ZNF536: variants seen among roughly 807,000 people sequenced by gnomAD.
ZNF536 encodes zinc finger protein 536.
In ZNF536, 13 loss-of-function variants were observed where a neutral mutation model predicts 84.5. The ratio of observed to expected loss-of-function variants is 0.15; its 90% CI spans 0.10 to 0.24. The LOEUF (loss-of-function observed/expected upper bound fraction) is 0.24. Among genes scored for constraint, ZNF536 ranks in the 10% least tolerant of loss-of-function variants. ZNF536 has a pLI of 1.00. For synonymous variants in ZNF536, 811 were observed against 742.5 expected (o/e 1.09, Z -1.50); for missense variants, 1,536 against 1,747.5 (o/e 0.88, Z 2.16).
intron 1 of ZNF536, among the ~76,000 whole-genome samples, chr19:30,261,036 C>T (rs1046029356): frequency 6.6e-6 from 1 of 152,016 alleles, no homozygotes; most frequent in African/African-American, 2.4e-5. Flanking sequence ...CGGTGGCTCA[C>T]GCCTGTAATC....
chr19:30,557,422 G>T lies in ZNF536; in HGVS notation c.*258G>T. 2.7e-6 allele frequency: 1 copy of T among 369,760 alleles called. No homozygotes were observed. Among genetic ancestry groups the T allele is most frequent in the Non-Finnish European group, 4.9e-6 (1 of 205,456 alleles). The allele number at this position is 369,760 out of a possible 1,614,324, so 22.9% of individuals were successfully genotyped here. A position where few individuals can be genotyped will look rare whatever the true frequency, so the allele number is the denominator to read the frequency against. ...ATGGATTGCAAAGGCTTAGTAACTTGAGCAGGAGAGAAAACTCCCTCAAAG... is the reference window on the plus strand; with the variant it reads ...ATGGATTGCAAAGGCTTAGTAACTTTAGCAGGAGAGAAAACTCCCTCAAAG... On this transcript the variant is annotated 3_prime_UTR_variant, in exon 5 of 5. Transcript: ENST00000355537.
intron 1 of ZNF536, among the ~76,000 whole-genome samples, chr19:30,417,161 T>A (rs2050769069): frequency 6.8e-6 from 1 of 147,048 alleles, no homozygotes; most frequent in East Asian, 2.0e-4. Context: ...TTTTTTTTTT[T>A]TTTTTTTTTT....
In ZNF536 at chr19:30,402,794, AAAATATAT is replaced by A. The variant is rs1271977742; in HGVS notation, c.-3+30240_-3+30247del. On this transcript the variant is annotated intron_variant, in intron 1 of 4. Coordinates refer to ENST00000355537, the MANE Select transcript of ZNF536 (RefSeq NM_014717.3). ...CTTTTTAAACATTTTTTAAAATTAA[AAAATATAT>A]ATATATATATATATATATATAATTT... Among the ~76,000 whole-genome samples the A allele has an allele frequency of 3.8e-3, 291 of 76,742 alleles. 18 individuals carry two copies. The highest frequency in any genetic ancestry group is 4.8e-3 in the Non-Finnish European group (158 of 32,992). The allele number at this position is 76,742 out of a possible 152,430, so 50.3% of individuals were successfully genotyped here.
chr19:30,260,295 T>G (rs1223706761), intron 1 of ZNF536, among the ~76,000 whole-genome samples: 1 of 152,200 alleles, frequency 6.6e-6, no homozygotes, highest in Admixed American at 6.5e-5. Context: ...GCATTAGGTG[T>G]TTCCATGTTC....
chr19:30,701,304 AACACACACAGAC>A (rs1225805500), intron 1 of ZNF536, among the ~76,000 whole-genome samples: 1 of 148,256 alleles, frequency 6.7e-6, no homozygotes, highest in African/African-American at 2.5e-5. Context: ...CACATACACA[AACACACACAGAC>A]ACACACAAAC....
chr19:30,620,707 C>G (rs1216705920), intron 1 of ZNF536, among the ~76,000 whole-genome samples: 2 of 152,092 alleles, frequency 1.3e-5, no homozygotes, highest in Non-Finnish European at 2.9e-5. Context: ...TCAACGTGTT[C>G]CTGTCTTATT....
intron 2 of ZNF536, among the ~76,000 whole-genome samples, chr19:30,514,561 A>G (rs2055554742): frequency 6.6e-6 from 1 of 152,010 alleles, no homozygotes; most frequent in Non-Finnish European, 1.5e-5. Flanking sequence ...CCCAACCTGC[A>G]GGAGGACCTT....
rs114717266 is a variant in ZNF536, at chr19:30,624,738, A to G, written c.169+75224A>G. On this transcript the variant is annotated intron_variant, in intron 1 of 1. Transcript: ENST00000592773. ...ACCAGGTGATATGGTTTGGCTTTGT[A>G]TCCCCCACCCAAATCTCATCTTGAG... 4.0e-3 allele frequency among the ~76,000 whole-genome samples: 609 copies of G among 152,222 alleles called. 4 individuals carry two copies. The highest frequency in any genetic ancestry group is 0.014 in the African/African-American group (574 of 41,532).
intron 1 of ZNF536, among the ~76,000 whole-genome samples, chr19:30,415,320 T>C (rs531122558): frequency 4.0e-4 from 57 of 140,794 alleles, no homozygotes; most frequent in Admixed American, 1.4e-3. Context: ...TTCTCCTTCT[T>C]CTTCTTCTTC....
chr19:30,599,315 T>C (rs1322882961), intron 1 of ZNF536, among the ~76,000 whole-genome samples: 11 of 120,694 alleles, frequency 9.1e-5, no homozygotes, highest in African/African-American at 3.6e-4. Context: ...TCTTTTTCCT[T>C]CCTCCTTTCC....
intron 1 of ZNF536, among the ~76,000 whole-genome samples, chr19:30,672,299 C>T (rs902862444): frequency 6.6e-6 from 1 of 152,184 alleles, no homozygotes; most frequent in Non-Finnish European, 1.5e-5. Flanking sequence ...AAGTGACCAC[C>T]CCAGGGCTGC....
chr19:30,463,852 C>T (rs192021383), intron 2 of ZNF536, among the ~76,000 whole-genome samples: 191 of 151,976 alleles, frequency 1.3e-3, no homozygotes, highest in African/African-American at 3.0e-3. Context: ...TGGTGTGGCT[C>T]GGGGATGAAA....
At chr19:30,402,578 AGCCACCTTCCATTT>A (rs1434267702) in intron 1 of ZNF536, among the ~76,000 whole-genome samples, 1 of 151,732 alleles carries the variant, frequency 6.6e-6, no homozygotes, top group Admixed American at 6.6e-5. Flanking sequence ...TACCTCTCCC[AGCCACCTTCCATTT>A]GCCTTTTTTC....
At chr19:30,352,303 G>A (rs1038414170) in intron 2 of ZNF536, 3 of 152,180 alleles carry the variant, frequency 2.0e-5, no homozygotes, top group Non-Finnish European at 4.4e-5. Context: ...GCATATTGCT[G>A]TGATTTGGTG....
intron 1 of ZNF536, among the ~76,000 whole-genome samples, chr19:30,704,326 A>G (rs2052125725): frequency 6.6e-6 from 1 of 152,198 alleles, no homozygotes; most frequent in Non-Finnish European, 1.5e-5. Context: ...GGCACAGGCA[A>G]CATGGCTGGT....
At chr19:30,673,079 C>G (rs1312205579) in intron 1 of ZNF536, among the ~76,000 whole-genome samples, 1 of 152,092 alleles carries the variant, frequency 6.6e-6, no homozygotes, top group Non-Finnish European at 1.5e-5. Context: ...AGGAGATGGC[C>G]CAGGGGAATG....
rs2052255237 is a variant in ZNF536 at position 30,445,071 on chromosome 19, C to A, written c.1509C>A (p.Ile503=). The A allele has an allele frequency of 2.5e-6, 4 of 1,613,522 alleles. No homozygotes were observed. The highest frequency in any genetic ancestry group is 1.1e-5 in the South Asian group (1 of 91,080). The change falls in exon 2 of 5, where the codon ATC becomes ATA. Residue 503 remains isoleucine, a synonymous_variant. Transcript: ENST00000355537. The surrounding 1 kb of genome is among the most constrained non-coding windows in gnomAD (Gnocchi z 4.5). The part of the protein sequence containing the change: ...NLVPPLKSSC[I]ERLQAAAKAA... ...TGCCGCCGCTGAAATCCAGCTGCAT[C>A]GAGCGGCTGCAGGCGGCTGCCAAGG...
chr19:30,230,954 A>G lies in ZNF536; in HGVS notation c.-190+2281A>G, dbSNP rs180824455. ...GGGAAGAAAGACAGCAATGATACTC[A>G]TGAGAATATAGATGAACTTTTTTTT... On this transcript the variant is annotated intron_variant, in intron 1 of 5. Coordinates refer to the ZNF536 transcript ENST00000585628. Among the ~76,000 whole-genome samples, 5 of 149,894 alleles carry G rather than the reference A, an allele frequency of 3.3e-5. No homozygotes were observed. The East Asian group carries it at 9.7e-4, about 29-fold the overall frequency.
chr19:30,682,086 A>T (rs1253852918), intron 1 of ZNF536, among the ~76,000 whole-genome samples: 9 of 152,166 alleles, frequency 5.9e-5, no homozygotes, highest in Admixed American at 5.9e-4. Context: ...CCCAGGAAGG[A>T]GAACAACGAG....
Sources: allele counts gnomAD v4.1 joint callset (sites outside exome capture counted in the v4.1 genomes callset), GRCh38; gene constraint gnomAD v4.1.1; non-coding constraint Gnocchi (gnomAD v3.1); transcripts MANE v1.5; gene names NCBI Gene and HGNC (gene_info 2026-07-23, HGNC 2026-07-21).